PIK3C2B: variants seen among roughly 807,000 people sequenced by gnomAD.
PIK3C2B encodes the protein phosphatidylinositol 4-phosphate 3-kinase C2 domain-containing subunit beta.
In PIK3C2B, 83 loss-of-function variants were observed where a neutral mutation model predicts 184.3. The ratio of observed to expected loss-of-function variants is 0.45; its 90% confidence interval spans 0.38 to 0.54. The LOEUF (loss-of-function observed/expected upper bound fraction) is 0.54, where lower values mean the gene tolerates loss of function less well. Among genes scored for constraint, PIK3C2B ranks in the 20% least tolerant of loss-of-function variants. The probability of loss-of-function intolerance (pLI) is 0.00; values close to 1 mark genes in which losing one functional copy is unlikely to be tolerated. For synonymous variants in PIK3C2B, 779 were observed against 837.6 expected (o/e 0.93, Z 1.21); for missense variants, 1,736 against 2,113.5 (o/e 0.82, Z 3.50).
At chr1:204,489,949 G>C (rs975533188) in intron 1 of PIK3C2B, 1 of 396,060 alleles carries the variant, frequency 2.5e-6, no homozygotes, top group Non-Finnish European at 4.4e-6. Context: ...GAGAGAAAGA[G>C]AGAAAGATGT....
Position 204,447,016 on chromosome 1 carries a change from A to G in PIK3C2B, c.2489+420T>C, listed in dbSNP as rs1653933248. Among the ~76,000 whole-genome samples, 1 of 149,632 alleles carries G rather than the reference A, an allele frequency of 6.7e-6. No homozygotes were observed. Among genetic ancestry groups the G allele is most frequent in the Non-Finnish European group, 1.5e-5 (1 of 67,632 alleles). ...CTGAGAGCTGCCAGCTTGCCTTGAC[A>G]CCTGATCCTTTTTGGAAAGTGACAG... On this transcript the variant is annotated intron_variant, in intron 15 of 32. Transcript: ENST00000684373. This position sits in a 1 kb window ranked among gnomAD's most constrained non-coding sequence, Gnocchi z 4.1.
chr1:204,465,501 C>A lies in PIK3C2B; in HGVS notation c.934-182G>T, dbSNP rs990839638. Among the ~76,000 whole-genome samples, 5 of 152,200 alleles carry A rather than the reference C, an allele frequency of 3.3e-5. No individual in the cohort carries two copies. The East Asian group carries it at 9.6e-4, about 29-fold the overall frequency. On this transcript the variant is annotated intron_variant, in intron 2 of 32. Transcript: ENST00000684373. ...TACATGTATCTGCTGTCCTAGGAGA[C>A]CAGGAGCCAAGTTGAAGAAGGAGGC...
chr1:204,485,058 T>C (rs1572403514), intron 1 of PIK3C2B, among the ~76,000 whole-genome samples: 2 of 150,964 alleles, frequency 1.3e-5, no homozygotes, highest in African/African-American at 2.4e-5. Flanking sequence ...TTTTTTTTTT[T>C]AATTTTAAGA....
chr1:204,460,426 A>C (rs1433230292), intron 6 of PIK3C2B, 23 bp from the exon 7 acceptor site: 1 of 1,601,372 alleles, frequency 6.2e-7, no homozygotes, highest in African/African-American at 1.3e-5. Context: ...TGACCTATTC[A>C]GAGAGGGGCG....
chr1:204,446,523 T>G (rs185520634), intron 15 of PIK3C2B, among the ~76,000 whole-genome samples: 14 of 152,322 alleles, frequency 9.2e-5, no homozygotes, highest in Admixed American at 7.8e-4. Flanking sequence ...CTACCCCTCC[T>G]GCGGATGCCC....
In PIK3C2B at chr1:204,469,816, GA is replaced by G; in HGVS notation, c.-15del. 6.3e-7 allele frequency: 1 copy of G among 1,586,104 alleles called. No individual in the cohort carries two copies. Among genetic ancestry groups the G allele is most frequent in the Middle Eastern group, 1.7e-4 (1 of 5,940 alleles). ...AGTCGAAGACATGGTGAGGATGGGG[GA>G]CACAGGCAACAAAGTCTCTACTTCC... On this transcript the variant is annotated 5_prime_UTR_variant, in exon 2 of 33. Transcript: ENST00000684373.
At chr1:204,436,096 G>A (rs543848455) in intron 23 of PIK3C2B, among the ~76,000 whole-genome samples, 2 of 152,140 alleles carry the variant, frequency 1.3e-5, no homozygotes, top group Admixed American at 6.5e-5. Flanking sequence ...CCACTTACTG[G>A]CAAGAAGTCT....
intron 31 of PIK3C2B, among the ~76,000 whole-genome samples, 188 bp from the exon 32 acceptor site, chr1:204,425,929 T>C (rs754953564): frequency 1.2e-4 from 18 of 152,250 alleles, no homozygotes; most frequent in Non-Finnish European, 1.5e-4. Flanking sequence ...GATAACATTG[T>C]GTCCTATTAA....
chr1:204,437,020 C>A (rs1675380732), intron 23 of PIK3C2B, among the ~76,000 whole-genome samples: 1 of 152,104 alleles, frequency 6.6e-6, no homozygotes, highest in African/African-American at 2.4e-5. Context: ...AAAGTAGTAG[C>A]CCCCCCTGCC....
chr1:204,448,502 G>A (rs1458499296), intron 14 of PIK3C2B, among the ~76,000 whole-genome samples: 1 of 152,080 alleles, frequency 6.6e-6, no homozygotes, highest in African/African-American at 2.4e-5. Context: ...GCCGGGCGTG[G>A]TGGTGTGCGC....
chr1:204,457,673 T>G (rs878855856), intron 9 of PIK3C2B, 55 bp downstream of exon 9: 1 of 1,526,292 alleles, frequency 6.6e-7, no homozygotes, highest in South Asian at 1.3e-5. Context: ...GCAACTCAGT[T>G]ACCTGACAGT....
At position 204,447,024 on chromosome 1, in the gene PIK3C2B, C is replaced by CT. The variant is rs560371849; in HGVS notation, c.2489+411dup. Among the ~76,000 whole-genome samples, 802 of 148,444 alleles carry CT rather than the reference C, an allele frequency of 5.4e-3. 4 individuals carry two copies. Among genetic ancestry groups the CT allele is most frequent in the African/African-American group, 0.019 (746 of 40,288 alleles). ...TGCCAGCTTGCCTTGACACCTGATC[C>CT]TTTTTGGAAAGTGACAGGGCCAGAA... On this transcript the variant is annotated intron_variant, in intron 15 of 32. Transcript: ENST00000684373. This position sits in a 1 kb window ranked among gnomAD's most constrained non-coding sequence, Gnocchi z 4.1.
Position 204,434,600 on chromosome 1 carries a change from C to T in PIK3C2B, c.3525G>A (p.Glu1175=), listed in dbSNP as rs1257662949. The stretch of plus-strand genomic sequence containing the variant: ...AGCCAGCGCAGGAGTAGATAAAGTT[C>T]TCCACAGCCTGGGAGGGGTCAAGGC... The part of the protein sequence containing the change: ...PGEDEYEKAV[E]NFIYSCAGCC... The change falls in exon 24 of 33, where the codon GAG becomes GAA. Residue 1175 remains glutamate (E), a synonymous_variant. Transcript: ENST00000684373. 5 of 1,612,876 alleles carry T rather than the reference C, an allele frequency of 3.1e-6. No homozygotes were observed. Among genetic ancestry groups the T allele is most frequent in the South Asian group, 1.1e-5 (1 of 91,004 alleles).
intron 1 of PIK3C2B, among the ~76,000 whole-genome samples, chr1:204,480,566 C>T (rs1022310732): frequency 6.6e-6 from 1 of 152,114 alleles, no homozygotes; most frequent in African/African-American, 2.4e-5. Flanking sequence ...GGATCACACA[C>T]ATAAGAGTAG....
At chr1:204,478,578 G>A (rs766521171) in intron 1 of PIK3C2B, among the ~76,000 whole-genome samples, 4 of 152,164 alleles carry the variant, frequency 2.6e-5, no homozygotes, top group Non-Finnish European at 5.9e-5. Flanking sequence ...TCTAGTGTGC[G>A]TGCCCTCTGG....
chr1:204,461,735 T>C (rs61761710), intron 5 of PIK3C2B, among the ~76,000 whole-genome samples: 10,228 of 151,734 alleles, frequency 0.067, 898 homozygotes, highest in African/African-American at 0.2. Context: ...GGCTGGGCTG[T>C]GGGGCTGGGC....
chr1:204,452,731 T>G (rs1400682993), intron 12 of PIK3C2B, among the ~76,000 whole-genome samples: 6 of 146,672 alleles, frequency 4.1e-5, no homozygotes. Flanking sequence ...CATGGCTCAC[T>G]GCAGCCTCGA....
intron 21 of PIK3C2B, among the ~76,000 whole-genome samples, chr1:204,440,596 CCT>C (rs2103479682): frequency 1.8e-5 from 1 of 55,378 alleles, no homozygotes; most frequent in African/African-American, 4.5e-5. Flanking sequence ...GACCATCAGG[CCT>C]TTTTTTTTTT....
Position 204,454,767 on chromosome 1 carries a change from G to A in PIK3C2B, c.1968C>T (p.Cys656=). Residue 656 remains cysteine, a synonymous_variant, in exon 12 of 33, where the codon TGC becomes TGT. Coordinates refer to ENST00000684373, the MANE Select transcript of PIK3C2B (RefSeq NM_001377334.1). ...ATSYEDFYLS[C]SLSHGGKELC... Reference sequence around the variant, plus strand: ...GCTCCTTGCCGCCATGGCTGAGGGAGCAGGAGAGGTAGAAATCTTCATAGC... The same window carrying A: ...GCTCCTTGCCGCCATGGCTGAGGGAACAGGAGAGGTAGAAATCTTCATAGC... 1.2e-6 allele frequency: 2 copies of A among 1,613,126 alleles called. No individual in the cohort carries two copies. The highest frequency in any genetic ancestry group is 1.7e-6 in the Non-Finnish European group (2 of 1,179,986).
Sources: gnomAD v4.1 joint callset for allele counts (sites outside exome capture counted in the v4.1 genomes callset) on GRCh38, gnomAD v4.1.1 for gene constraint, Gnocchi (gnomAD v3.1) non-coding constraint, MANE v1.5 for transcripts, NCBI Gene and HGNC (gene_info 2026-07-23, HGNC 2026-07-21) for gene names.